The following EFS variants were observed in gnomAD, a reference collection of about 807,000 sequenced individuals.
The protein encoded by EFS is embryonal Fyn-associated substrate, also known as Cas scaffolding protein family member 3.
In EFS, 34 loss-of-function variants were observed where a neutral mutation model predicts 42.2. That is an observed-to-expected ratio of 0.81 (90% CI 0.61 to 1.07). The LOEUF is 1.07. Among genes scored for constraint, EFS ranks in the 50% least tolerant of loss-of-function variants. The pLI, the probability that EFS is intolerant of heterozygous loss-of-function variation, is 0.00. For missense variants in EFS, 717 were observed against 729.4 expected, an observed-to-expected ratio of 0.98 and a Z score of 0.20; for synonymous variants, 299 against 320.7, an observed-to-expected ratio of 0.93 and a Z score of 0.72.
intron 1 of EFS, among the ~76,000 whole-genome samples, chr14:23,363,431 T>C (rs1389909860): frequency 1.3e-5 from 2 of 152,140 alleles, no homozygotes; most frequent in African/African-American, 2.4e-5. Flanking sequence ...CAATAAATAA[T>C]AGCTGTTATT....
rs768001711 is a variant in EFS at position 23,358,886 on chromosome 14, G to A, written c.1241C>T (p.Pro414Leu). The A allele has an allele frequency of 1.9e-5, 31 of 1,611,356 alleles. No homozygotes were observed. Among genetic ancestry groups the A allele is most frequent in the Middle Eastern group, 1.7e-4 (1 of 6,054 alleles). Residue 414 changes from proline to leucine, a missense_variant, in exon 5 of 6, where the codon CCG (proline) becomes CTG (leucine). Pro to Leu is a moderately conservative substitution (Grantham distance 98). Coordinates refer to ENST00000216733, the MANE Select transcript of EFS (RefSeq NM_005864.4). ...TCCCGCCAGGGTCACCTGCGGCGCC[G>A]GCATCCCCCTCTCGGGCAGTTCAGG... is the stretch of plus-strand genomic sequence containing the variant. ...GDPELPERGM[P>L]APQEALSPGE...
intron 1 of EFS, among the ~76,000 whole-genome samples, chr14:23,364,559 C>G (rs966813124): frequency 6.6e-6 from 1 of 152,130 alleles, no homozygotes; most frequent in Non-Finnish European, 1.5e-5. Context: ...CCTTATCCCT[C>G]GTCTCGAGAT....
chr14:23,364,914 G>A (rs556805783), intron 1 of EFS, 94 bp downstream of exon 1: 1 of 1,133,346 alleles, frequency 8.8e-7, no homozygotes, highest in African/African-American at 1.6e-5. Flanking sequence ...GGACCAAGGA[G>A]AGAGACAAAG....
intron 4 of EFS, 55 bp from the exon 5 acceptor site, chr14:23,359,020 C>T: frequency 6.7e-7 from 1 of 1,486,756 alleles, no homozygotes; most frequent in Non-Finnish European, 9.1e-7. Context: ...ACGGGGTGGC[C>T]TCTGTGGCCT....
chr14:23,364,936 A>G lies in EFS; in HGVS notation c.18+72T>C, dbSNP rs1890271946. On this transcript the variant is annotated intron_variant, in intron 1 of 5. Coordinates refer to ENST00000216733, the MANE Select transcript of EFS (RefSeq NM_005864.4). ...GGAGAGAGACAAAGAGAGGGCAGAA[A>G]TAAAGTGACAGGAGCGCAGGGCAGG... The G allele has an allele frequency of 4.9e-6, 6 of 1,225,854 alleles. No homozygotes were observed. The African/African-American group carries it at 9.5e-5, about 19-fold the overall frequency. The allele number at this position is 1,225,854 out of a possible 1,614,324, so 75.9% of individuals were successfully genotyped here.
rs1438560626 is a variant in EFS, at chr14:23,359,607, G to C, written c.871C>G (p.Pro291Ala). ...GCTGAGGGGAGCCGGGGCCTGTGTG[G>C]GGGTGGGGGGCTTCTGGCCAGAAGC... ...AQLLARSPPPPHRPRLPSAES... is the reference protein window; with the variant it reads ...AQLLARSPPPAHRPRLPSAES... The change falls in exon 4 of 6, where the codon CCA becomes GCA. Residue 291 changes from proline to alanine, a missense_variant. Transcript: ENST00000216733. 6.7e-7 allele frequency: 1 copy of C among 1,501,962 alleles called. No homozygotes were observed. The highest frequency in any genetic ancestry group is 8.9e-7 in the Non-Finnish European group (1 of 1,128,584). The allele number at this position is 1,501,962 out of a possible 1,614,324, so 93.0% of individuals were successfully genotyped here. A position where few individuals can be genotyped will look rare whatever the true frequency, so the allele number is the denominator to read the frequency against.
chr14:23,360,132 A>G lies in EFS; in HGVS notation c.438+9T>C, dbSNP rs1237999875. On this transcript the variant is annotated intron_variant, in intron 3 of 5. Coordinates refer to ENST00000216733, the MANE Select transcript of EFS (RefSeq NM_005864.4). ...CCACCCAACATACACAGGGACCTCT[A>G]GCCCTCACCTCCAAGGCATCTCTGG... 1.2e-6 allele frequency: 2 copies of G among 1,614,168 alleles called. No individual in the cohort carries two copies. The highest frequency in any genetic ancestry group is 3.3e-5 in the Admixed American group (2 of 60,028).
At position 23,358,969 on chromosome 14, in the gene EFS, C is replaced by T; in HGVS notation, c.1162-4G>A. 1 of 1,606,616 alleles carries T rather than the reference C, an allele frequency of 6.2e-7. No individual in the cohort carries two copies. On this transcript the variant is annotated splice_region_variant and splice_polypyrimidine_tract_variant and intron_variant, in intron 4 of 5. Transcript: ENST00000216733. ...ATCCCTGAGCTTTGTCCATGCCCTGCAGGAGGGGATCAGGTCTCAGTGTCG... is the reference window on the plus strand; with the variant it reads ...ATCCCTGAGCTTTGTCCATGCCCTGTAGGAGGGGATCAGGTCTCAGTGTCG...
intron 1 of EFS, among the ~76,000 whole-genome samples, chr14:23,362,741 A>T (rs1212415383): frequency 1.3e-5 from 2 of 152,130 alleles, no homozygotes; most frequent in Non-Finnish European, 2.9e-5. Context: ...TTCTTTTAAA[A>T]TTTTATTTAA....
Position 23,359,678 on chromosome 14 carries a change from T to G in EFS, c.800A>C (p.Glu267Ala), listed in dbSNP as rs1890058988. 2 of 1,510,214 alleles carry G rather than the reference T, an allele frequency of 1.3e-6. No individual in the cohort carries two copies. Among genetic ancestry groups the G allele is most frequent in the East Asian group, 4.7e-5 (2 of 42,912 alleles). The allele number at this position is 1,510,214 out of a possible 1,614,324, so 93.6% of individuals were successfully genotyped here. The change falls in exon 4 of 6, where the codon GAG becomes GCG. Residue 267 changes from glutamate (E) to alanine (A), a missense_variant. Physicochemically the swap from Glu to Ala is moderately radical, Grantham distance 107. Transcript: ENST00000216733. ...LLGPEAPPSP[E>A]PPGALASHDQ... ...ATGGGAGGCCAAGGCTCCAGGGGGC[T>G]CTGGAGAAGGGGGAGCCTCTGGCCC...
intron 4 of EFS, 76 bp downstream of exon 4, chr14:23,359,241 T>C: frequency 6.3e-7 from 1 of 1,599,606 alleles, no homozygotes; most frequent in Non-Finnish European, 8.5e-7. Flanking sequence ...GCTCTGCCTC[T>C]GTGCCCTAGG....
chr14:23,358,827 T>A, intron 5 of EFS, 49 bp downstream of exon 5: 1 of 1,521,246 alleles, frequency 6.6e-7, no homozygotes, highest in Non-Finnish European at 8.9e-7. Flanking sequence ...CAAGTCCCCA[T>A]TCCTCCCTCC....
chr14:23,361,564 C>T (rs542359937), intron 1 of EFS, among the ~76,000 whole-genome samples: 1 of 152,330 alleles, frequency 6.6e-6, no homozygotes, highest in South Asian at 2.1e-4. Flanking sequence ...ATCCTTCCAG[C>T]AGGCATCATC....
At chr14:23,362,831 G>A (rs990060007) in intron 1 of EFS, among the ~76,000 whole-genome samples, 4 of 152,094 alleles carry the variant, frequency 2.6e-5, no homozygotes, top group African/African-American at 7.2e-5. Flanking sequence ...CTGTAACCTC[G>A]AATGCCTGGG....
rs1270401538 is a variant in EFS, at chr14:23,356,930, A to T, written c.*296T>A. ...GGTGGGTGGTAGTGCAGTGACCTCC[A>T]CCCTAGGCTGAGGAGAGAAGGATCT... On this transcript the variant is annotated 3_prime_UTR_variant, in exon 6 of 6. Transcript: ENST00000216733. 4.1e-6 allele frequency: 1 copy of T among 244,688 alleles called. No individual in the cohort carries two copies. The highest frequency in any genetic ancestry group is 7.7e-6 in the Non-Finnish European group (1 of 129,270). The allele number at this position is 244,688 out of a possible 1,614,324, so 15.2% of individuals were successfully genotyped here.
In EFS at chr14:23,359,782, C is replaced by T; in HGVS notation, c.696G>A (p.Leu232=). 6.6e-7 allele frequency: 1 copy of T among 1,521,280 alleles called. No individual in the cohort carries two copies. Among genetic ancestry groups the T allele is most frequent in the Non-Finnish European group, 8.8e-7 (1 of 1,136,634 alleles). 94.2% of individuals were successfully genotyped at this position (1,521,280 alleles called of 1,614,324 possible). Residue 232 remains leucine (L), a synonymous_variant, in exon 4 of 6, where the codon TTG becomes TTA. Transcript: ENST00000216733. The part of the protein sequence containing the change: ...NLKRASALLN[L]YEAPEELLAD... ...CCAGCAGTTCCTCGGGTGCTTCATA[C>T]AAATTGAGTAAGGCTGACGCTCGTT...
In EFS at chr14:23,357,167, C is replaced by T. The variant is rs1331329610; in HGVS notation, c.*59G>A. 1 of 1,455,012 alleles carries T rather than the reference C, an allele frequency of 6.9e-7. No homozygotes were observed. Among genetic ancestry groups the T allele is most frequent in the African/African-American group, 1.4e-5 (1 of 70,500 alleles). 90.1% of individuals were successfully genotyped at this position (1,455,012 alleles called of 1,614,324 possible). On this transcript the variant is annotated 3_prime_UTR_variant, in exon 6 of 6. Coordinates refer to ENST00000216733, the MANE Select transcript of EFS (RefSeq NM_005864.4). ...CCCTTAACAAAGCCTTCCAGCCACC[C>T]AAGGCCTAAAGGGGGGCTTTGGCAG...
At chr14:23,361,374 T>C (rs76030021) in intron 1 of EFS, among the ~76,000 whole-genome samples, 2,349 of 152,282 alleles carry the variant, frequency 0.015, 52 homozygotes, top group African/African-American at 0.054. Flanking sequence ...CAGAGACCTC[T>C]CATTCTGAGA....
Position 23,357,453 on chromosome 14 carries a change from C to A in EFS, c.1459G>T (p.Val487Phe), listed in dbSNP as rs562816221. ...VVVAAHRLVF[V>F]GDTLGRLAAS... ...GCCAGCCGGCCCAGGGTGTCCCCAA[C>A]AAACACCAGGCGATGAGCAGCCACC... Residue 487 changes from valine to phenylalanine, a missense_variant, in exon 6 of 6, where the codon GTT becomes TTT. Coordinates refer to ENST00000216733, the MANE Select transcript of EFS (RefSeq NM_005864.4). The A allele has an allele frequency of 9.4e-5, 152 of 1,613,920 alleles. 2 individuals are homozygous for A. In the South Asian group the frequency reaches 1.4e-3, roughly 14 times the overall value.
Sources: allele counts gnomAD v4.1 joint callset (sites outside exome capture counted in the v4.1 genomes callset), GRCh38; gene constraint gnomAD v4.1.1; transcripts MANE v1.5; gene names NCBI Gene and HGNC (gene_info 2026-07-23, HGNC 2026-07-21).